SEC31A: variants seen among roughly 807,000 people sequenced by gnomAD.
SEC31A encodes protein transport protein Sec31A.
Under a neutral mutation model 151.0 loss-of-function variants are expected in SEC31A, and 70 were observed. The ratio of observed to expected loss-of-function variants is 0.46; its 90% confidence interval spans 0.38 to 0.57. SEC31A has a LOEUF of 0.57. Among genes scored for constraint, SEC31A ranks in the 20% least tolerant of loss-of-function variants. The pLI is 0.00. For missense variants in SEC31A, 1,330 were observed against 1,471.2 expected, an observed-to-expected ratio of 0.90 and a Z score of 1.57; for synonymous variants, 475 against 505.9, an observed-to-expected ratio of 0.94 and a Z score of 0.82.
At position 82,878,809 on chromosome 4, in the gene SEC31A, G is replaced by C. The variant is rs1452174450; in HGVS notation, c.323C>G (p.Ala108Gly). 1 of 1,613,884 alleles carries C rather than the reference G, an allele frequency of 6.2e-7. No homozygotes were observed. Among genetic ancestry groups the C allele is most frequent in the Admixed American group, 1.7e-5 (1 of 60,012 alleles). ...GGCAATCACAACTTCCTTGTCTCCAGCTATAATTTTAGAAGGATCATAGAG... is the reference window on the plus strand; with the variant it reads ...GGCAATCACAACTTCCTTGTCTCCACCTATAATTTTAGAAGGATCATAGAG... ...IILYDPSKII[A>G]GDKEVVIAQN... The change falls in exon 4 of 27, where the codon GCT becomes GGT. Residue 108 changes from alanine (A) to glycine (G), a missense_variant. Coordinates refer to ENST00000395310, the MANE Select transcript of SEC31A (RefSeq NM_001077207.4).
chr4:82,869,514 A>T (rs1736185912), intron 8 of SEC31A, among the ~76,000 whole-genome samples: 1 of 152,120 alleles, frequency 6.6e-6, no homozygotes, highest in Non-Finnish European at 1.5e-5. Context: ...CACAGGCAAA[A>T]ATTCATCTAA....
chr4:82,863,450 T>C (rs556597647), intron 11 of SEC31A, 58 bp from the exon 12 acceptor site: 1 of 900,756 alleles, frequency 1.1e-6, no homozygotes, highest in East Asian at 2.6e-5. Context: ...GCCGAATTTT[T>C]ATAAGAATGA....
upstream of SEC31A, chr4:82,893,614 CTTGT>C (rs1719935757): frequency 6.6e-6 from 1 of 152,136 alleles, no homozygotes; most frequent in African/African-American, 2.4e-5. Context: ...TTTGTATCAA[CTTGT>C]TTGTATATAT....
At chr4:82,860,642 T>A (rs1437545738) in intron 14 of SEC31A, among the ~76,000 whole-genome samples, 22 of 112,492 alleles carry the variant, frequency 2.0e-4, no homozygotes, top group African/African-American at 5.1e-4. Flanking sequence ...CTGGCTAATT[T>A]TTTATTTTTT....
chr4:82,828,439 G>A (rs1725115976), intron 23 of SEC31A, among the ~76,000 whole-genome samples: 2 of 151,744 alleles, frequency 1.3e-5, no homozygotes, highest in Non-Finnish European at 2.9e-5. Flanking sequence ...TTATATTATG[G>A]CCTCTCATTA....
chr4:82,823,350 T>C (rs1723825227), intron 25 of SEC31A, among the ~76,000 whole-genome samples: 1 of 152,230 alleles, frequency 6.6e-6, no homozygotes, highest in Non-Finnish European at 1.5e-5. Flanking sequence ...GGCTAGCATG[T>C]ATCTGGTTAT....
chr4:82,900,555 G>A (rs1560688869), upstream of SEC31A: 3 of 537,386 alleles, frequency 5.6e-6, no homozygotes, highest in Non-Finnish European at 6.6e-6. Flanking sequence ...CGCGGAGGGA[G>A]GAGCGGTCAA....
At chr4:82,898,701 G>A (rs1720164632) in intron 3 of SEC31A, among the ~76,000 whole-genome samples, 1 of 152,150 alleles carries the variant, frequency 6.6e-6, no homozygotes. Context: ...TTAAGAAAAG[G>A]CAAACACCAC....
intron 14 of SEC31A, among the ~76,000 whole-genome samples, chr4:82,861,204 T>C (rs1313612603): frequency 6.6e-6 from 1 of 152,202 alleles, no homozygotes; most frequent in Admixed American, 6.5e-5. Context: ...ATAAGTTTAG[T>C]GAAATATCCT....
intron 19 of SEC31A, 45 bp downstream of exon 19, chr4:82,851,386 G>A (rs568515247): frequency 3.4e-5 from 51 of 1,494,148 alleles, no homozygotes; most frequent in Non-Finnish European, 4.4e-5. Context: ...TTATCTACTG[G>A]ACTCACCTTA....
intron 22 of SEC31A, among the ~76,000 whole-genome samples, chr4:82,833,851 G>A (rs1417777753): frequency 1.3e-5 from 2 of 152,216 alleles, no homozygotes; most frequent in African/African-American, 2.4e-5. Context: ...AATACAGTGA[G>A]TTCAATTTAG....
rs557047454 is a variant in SEC31A at position 82,878,808 on chromosome 4, A to C, written c.324T>G (p.Ala108=). ...GGGCAATCACAACTTCCTTGTCTCC[A>C]GCTATAATTTTAGAAGGATCATAGA... The part of the protein sequence containing the change: ...IILYDPSKII[A]GDKEVVIAQN... The change falls in exon 4 of 27, where the codon GCT becomes GCG. Residue 108 remains alanine (A), a synonymous_variant. Coordinates refer to ENST00000395310, the MANE Select transcript of SEC31A (RefSeq NM_001077207.4). 1 of 1,614,052 alleles carries C rather than the reference A, an allele frequency of 6.2e-7. No individual in the cohort carries two copies. The highest frequency in any genetic ancestry group is 1.7e-5 in the Admixed American group (1 of 60,020).
At chr4:82,861,333 T>C (rs976504604) in intron 14 of SEC31A, among the ~76,000 whole-genome samples, 13 of 152,334 alleles carry the variant, frequency 8.5e-5, no homozygotes, top group South Asian at 6.2e-4. Flanking sequence ...GTGAGGATGT[T>C]TGAATAAAAT....
chr4:82,837,443 T>A (rs1727673876), intron 22 of SEC31A, among the ~76,000 whole-genome samples: 1 of 151,898 alleles, frequency 6.6e-6, no homozygotes, highest in African/African-American at 2.4e-5. Context: ...CACTGCCGCC[T>A]AGGTGCGATC....
intron 14 of SEC31A, among the ~76,000 whole-genome samples, chr4:82,860,588 T>G (rs532865402): frequency 4.9e-4 from 74 of 152,170 alleles, no homozygotes; most frequent in African/African-American, 1.8e-3. Flanking sequence ...TGATCCTACC[T>G]CAGCCTCCCA....
intron 16 of SEC31A, among the ~76,000 whole-genome samples, chr4:82,855,869 C>A (rs1305960395): frequency 6.6e-6 from 1 of 152,076 alleles, no homozygotes. Flanking sequence ...ATAATCTGTA[C>A]AACAAACCCC....
intron 18 of SEC31A, among the ~76,000 whole-genome samples, chr4:82,852,718 AATAT>A (rs1475061560): frequency 1.3e-5 from 2 of 152,164 alleles, no homozygotes; most frequent in Non-Finnish European, 2.9e-5. Flanking sequence ...AAAAATATCT[AATAT>A]ATAGTTAGTA....
chr4:82,880,209 C>A (rs538500012), intron 3 of SEC31A, among the ~76,000 whole-genome samples: 8 of 150,708 alleles, frequency 5.3e-5, no homozygotes, highest in Admixed American at 4.0e-4. Flanking sequence ...ACAAAAAAAA[C>A]CACACACACA....
chr4:82,851,787 C>T (rs1199517277), intron 18 of SEC31A, among the ~76,000 whole-genome samples, 183 bp from the exon 19 acceptor site: 1 of 152,140 alleles, frequency 6.6e-6, no homozygotes, highest in African/African-American at 2.4e-5. Flanking sequence ...GGAAGAAGGC[C>T]TCTTACTTAT....
Sources: allele counts gnomAD v4.1 joint callset (sites outside exome capture counted in the v4.1 genomes callset), GRCh38; gene constraint gnomAD v4.1.1; transcripts MANE v1.5; gene names NCBI Gene and HGNC (gene_info 2026-07-23, HGNC 2026-07-21).